CCDC77: variants seen among roughly 807,000 people sequenced by gnomAD.
CCDC77 encodes the protein coiled-coil domain-containing protein 77.
In CCDC77, 56 loss-of-function variants were observed where a neutral mutation model predicts 66.8. The observed-to-expected ratio is 0.84, with a 90% CI of 0.68 to 1.05. CCDC77 has a LOEUF of 1.05. CCDC77 is among the 50% of genes least tolerant of loss of function. The probability of loss-of-function intolerance (pLI) is 0.00; values close to 1 mark genes in which losing one functional copy is unlikely to be tolerated. For missense variants in CCDC77, 570 were observed against 576.8 expected (o/e 0.99, Z 0.12); for synonymous variants, 196 against 195.2 (o/e 1.00, Z -0.03).
At chr12:416,369 GTGTGTGTGTATATATATATATATATA>G (rs1294215118) in intron 4 of CCDC77, among the ~76,000 whole-genome samples, 5 of 29,330 alleles carry the variant, frequency 1.7e-4, no homozygotes, top group African/African-American at 5.4e-4. Flanking sequence ...GTGTGTGTGT[GTGTGTGTGTATATATATATATATATA>G]TATATATATA....
intron 9 of CCDC77, among the ~76,000 whole-genome samples, chr12:436,349 G>T (rs774986440): frequency 1.3e-5 from 2 of 151,358 alleles, no homozygotes; most frequent in South Asian, 2.1e-4. Context: ...GGATGGTCTC[G>T]ATCTGACCTC....
Position 440,851 on chromosome 12 carries a change from C to T in CCDC77, c.1175C>T (p.Thr392Ile), listed in dbSNP as rs766690720. 4 of 1,613,556 alleles carry T rather than the reference C, an allele frequency of 2.5e-6. No homozygotes were observed. ...CCCATTCCCCATATTTAGGATCGCA[C>T]TAACAAGATGGGGAAGCGTTTACAG... ...GMRREIFKDR[T>I]NKMGKRLQIM... The change falls in exon 12 of 13, where the codon ACT becomes ATT. Residue 392 changes from threonine to isoleucine, a missense_variant. Transcript: ENST00000239830.
intron 8 of CCDC77, among the ~76,000 whole-genome samples, chr12:432,926 G>C (rs1945678199): frequency 6.6e-6 from 1 of 152,156 alleles, no homozygotes; most frequent in Admixed American, 6.5e-5. Context: ...TGTAGTCCTG[G>C]AGGCTGAGGC....
intron 6 of CCDC77, 68 bp from the exon 7 acceptor site, chr12:430,596 C>T: frequency 8.6e-7 from 1 of 1,162,462 alleles, no homozygotes; most frequent in South Asian, 1.2e-5. Context: ...ATCTGCAGAA[C>T]TAAGGCTGAA....
chr12:414,082 CT>C (rs1434566909), intron 4 of CCDC77, among the ~76,000 whole-genome samples: 2 of 150,886 alleles, frequency 1.3e-5, no homozygotes, highest in Non-Finnish European at 2.9e-5. Context: ...AATTTTCTTC[CT>C]TTCTTGATTT....
rs753630276 is a variant in CCDC77, at chr12:430,699, T to A, written c.546T>A (p.Gly182=). ...TILQKTIQAV[G]ECEQSESSAF... is the part of the protein sequence containing the mutation. ...TCCAAAAGACTATCCAGGCTGTAGG[T>A]GAATGTGAGCAGAGTGAATCTTCAG... is the stretch of plus-strand genomic sequence containing the variant. Residue 182 remains glycine (G), a synonymous_variant, in exon 7 of 13, where the codon GGT becomes GGA. Transcript: ENST00000239830. 1 of 1,613,916 alleles carries A rather than the reference T, an allele frequency of 6.2e-7. No individual in the cohort carries two copies. The highest frequency in any genetic ancestry group is 2.2e-5 in the East Asian group (1 of 44,876).
chr12:393,068 C>T (rs1488319370), intron 1 of CCDC77, among the ~76,000 whole-genome samples: 1 of 151,822 alleles, frequency 6.6e-6, no homozygotes. Context: ...GAAGAAAAAC[C>T]AGCACCACAC....
chr12:435,966 C>T (rs1010217975), intron 9 of CCDC77, among the ~76,000 whole-genome samples: 1 of 152,050 alleles, frequency 6.6e-6, no homozygotes, highest in Non-Finnish European at 1.5e-5. Flanking sequence ...TCTCAAACTC[C>T]TGGTTTCAAG....
chr12:433,369 A>G (rs1945687245), intron 9 of CCDC77, 47 bp downstream of exon 9: 3 of 1,599,712 alleles, frequency 1.9e-6, no homozygotes, highest in Admixed American at 1.7e-5. Context: ...TATTTTTCTG[A>G]GTGACTTAAA....
chr12:407,756 C>G (rs1945023034), intron 2 of CCDC77, among the ~76,000 whole-genome samples: 3 of 142,552 alleles, frequency 2.1e-5, no homozygotes, highest in Admixed American at 7.1e-5. Flanking sequence ...TACTTTTACA[C>G]AAAATTCTTT....
chr12:422,601 T>G (rs1221992961), intron 5 of CCDC77, among the ~76,000 whole-genome samples: 1 of 152,264 alleles, frequency 6.6e-6, no homozygotes, highest in Non-Finnish European at 1.5e-5. Context: ...CAGAATTTTC[T>G]TCCTTTTTAA....
intron 7 of CCDC77, among the ~76,000 whole-genome samples, chr12:431,061 A>G (rs899930616): frequency 1.0e-5 from 1 of 95,870 alleles, no homozygotes; most frequent in Non-Finnish European, 2.2e-5. Context: ...GAGCAAGACT[A>G]TCTCCAAAAA....
intron 4 of CCDC77, among the ~76,000 whole-genome samples, chr12:413,034 G>C (rs1591968259): frequency 6.6e-6 from 1 of 151,696 alleles, no homozygotes; most frequent in African/African-American, 2.4e-5. Flanking sequence ...CGCCTCCCGG[G>C]TTCATGCCAT....
chr12:430,539 C>T (rs955597765), intron 6 of CCDC77, 125 bp from the exon 7 acceptor site: 19 of 743,526 alleles, frequency 2.6e-5, no homozygotes, highest in Non-Finnish European at 4.2e-5. Flanking sequence ...TGCATGACAT[C>T]CTTATATGAT....
Position 409,764 on chromosome 12 carries a change from G to A in CCDC77, c.38+343G>A, listed in dbSNP as rs1945070483. ...TAATCCCAGCACTTTGGGAGGCTGAGGTGGGCAGGTCACAAGGTCAGGCGT... is the reference window on the plus strand; with the variant it reads ...TAATCCCAGCACTTTGGGAGGCTGAAGTGGGCAGGTCACAAGGTCAGGCGT... On this transcript the variant is annotated intron_variant, in intron 3 of 12. Coordinates refer to ENST00000239830, the MANE Select transcript of CCDC77 (RefSeq NM_032358.4). 1.2e-5 allele frequency: 2 copies of A among 172,960 alleles called. 1 individual carries two copies. The highest frequency in any genetic ancestry group is 4.8e-5 in the African/African-American group (2 of 41,658). The allele number at this position is 172,960 out of a possible 1,614,324, so 10.7% of individuals were successfully genotyped here.
intron 3 of CCDC77, among the ~76,000 whole-genome samples, chr12:411,335 A>G (rs1287947475): frequency 6.6e-6 from 1 of 151,464 alleles, no homozygotes; most frequent in Non-Finnish European, 1.5e-5. Flanking sequence ...TGCCACACCC[A>G]TCTCATTTTT....
At chr12:422,705 A>G (rs930422477) in intron 5 of CCDC77, among the ~76,000 whole-genome samples, 5 of 152,180 alleles carry the variant, frequency 3.3e-5, no homozygotes, top group Middle Eastern at 3.2e-3. Flanking sequence ...CCGCCTTCCA[A>G]ACTGAAGCTG....
At chr12:441,555 T>G (rs1945858377) in intron 12 of CCDC77, among the ~76,000 whole-genome samples, 1 of 152,180 alleles carries the variant, frequency 6.6e-6, no homozygotes, top group South Asian at 2.1e-4. Context: ...GATCTCTACC[T>G]CAAGCCTCCT....
rs572239702 is a variant in CCDC77, at chr12:427,012, T to A, written c.414-1757T>A. Reference sequence around the variant, plus strand: ...GGTAATCCCAGCACTTTGGGGTGGCTGAGGCGGGCAGATCACGAGGTCAGG... The same window carrying A: ...GGTAATCCCAGCACTTTGGGGTGGCAGAGGCGGGCAGATCACGAGGTCAGG... On this transcript the variant is annotated intron_variant, in intron 5 of 12. Transcript: ENST00000239830. 3.7e-3 allele frequency among the ~76,000 whole-genome samples: 559 copies of A among 152,222 alleles called. 2 individuals are homozygous for A. The highest frequency in any genetic ancestry group is 6.8e-3 in the Non-Finnish European group (462 of 67,992).
Sources: allele counts gnomAD v4.1 joint callset (sites outside exome capture counted in the v4.1 genomes callset), GRCh38; gene constraint gnomAD v4.1.1; transcripts MANE v1.5; gene names NCBI Gene and HGNC (gene_info 2026-07-23, HGNC 2026-07-21).